TRIM2: variants seen among roughly 807,000 people sequenced by gnomAD.
The protein encoded by TRIM2 is tripartite motif-containing protein 2.
A neutral mutation model predicts 75.2 loss-of-function variants in TRIM2; 20 were observed. The ratio of observed to expected loss-of-function variants is 0.27; its 90% CI spans 0.19 to 0.39. The LOEUF (loss-of-function observed/expected upper bound fraction) is 0.39. Ranked by LOEUF, TRIM2 falls within the 10% of genes least tolerant of loss-of-function variation. The pLI is 1.00. For synonymous variants in TRIM2, 373 were observed against 388.3 expected, an observed-to-expected ratio of 0.96 and a Z score of 0.46; for missense variants, 660 against 990.8, an observed-to-expected ratio of 0.67 and a Z score of 4.48.
intron 1 of TRIM2, among the ~76,000 whole-genome samples, chr4:153,155,000 C>T (rs1314046152): frequency 1.3e-5 from 2 of 152,090 alleles, no homozygotes; most frequent in African/African-American, 4.8e-5. Flanking sequence ...AATAGCCAGG[C>T]GTAATGGTGG....
At chr4:153,170,737 C>T (rs777533094) in intron 1 of TRIM2, among the ~76,000 whole-genome samples, 3 of 152,148 alleles carry the variant, frequency 2.0e-5, no homozygotes, top group Non-Finnish European at 4.4e-5. Flanking sequence ...TGCCAGGGAG[C>T]TCAGCCAGGG....
chr4:153,316,651 A>G (rs1052706802), intron 8 of TRIM2, among the ~76,000 whole-genome samples: 3 of 152,154 alleles, frequency 2.0e-5, no homozygotes, highest in Non-Finnish European at 2.9e-5. Flanking sequence ...ATTGTTTGAT[A>G]TATTTGCTAT....
intron 2 of TRIM2, among the ~76,000 whole-genome samples, chr4:153,271,560 GGTT>G (rs1189423800): frequency 1.3e-5 from 2 of 151,976 alleles, no homozygotes; most frequent in African/African-American, 4.8e-5. Flanking sequence ...GTTTGTTTTG[GGTT>G]GTTGTGGGGT....
intron 6 of TRIM2, among the ~76,000 whole-genome samples, chr4:153,305,997 T>C (rs1320367525): frequency 6.6e-6 from 1 of 152,098 alleles, no homozygotes; most frequent in East Asian, 1.9e-4. Context: ...TAGCTGGGCA[T>C]GGTGACGGGT....
At chr4:153,238,613 G>C (rs914016437) in intron 1 of TRIM2, among the ~76,000 whole-genome samples, 15 of 152,180 alleles carry the variant, frequency 9.9e-5, no homozygotes, top group Non-Finnish European at 2.1e-4. Context: ...AATAACCCAG[G>C]ATTCTCTGGA....
chr4:153,175,072 C>A (rs1302172144), intron 1 of TRIM2, among the ~76,000 whole-genome samples: 1 of 151,978 alleles, frequency 6.6e-6, no homozygotes. Context: ...TGCAGTGGTG[C>A]AATCTCGGCT....
At chr4:153,244,203 TTTC>T (rs1182196281) in intron 1 of TRIM2, among the ~76,000 whole-genome samples, 14 of 131,806 alleles carry the variant, frequency 1.1e-4, no homozygotes, top group African/African-American at 1.4e-4. Context: ...TTCTCCTCCT[TTTC>T]CTTCTCCTTC....
intron 6 of TRIM2, 95 bp downstream of exon 6, chr4:153,296,131 A>G (rs1339627208): frequency 7.0e-7 from 1 of 1,428,844 alleles, no homozygotes; most frequent in Non-Finnish European, 9.2e-7. Context: ...TGCAGCCCAG[A>G]ACTCTACCTG....
intron 11 of TRIM2, 111 bp from the exon 12 acceptor site, chr4:153,334,703 C>A: frequency 9.1e-7 from 1 of 1,097,530 alleles, no homozygotes; most frequent in Non-Finnish European, 1.3e-6. Flanking sequence ...GAGACCCTGT[C>A]AAAAAGAAAG....
chr4:153,325,105 A>T (rs1480418400), intron 10 of TRIM2, among the ~76,000 whole-genome samples: 1 of 152,188 alleles, frequency 6.6e-6, no homozygotes, highest in Non-Finnish European at 1.5e-5. Context: ...ATCAGTGCTA[A>T]TGACTGCGAT....
chr4:153,173,385 C>G (rs1235793767), intron 1 of TRIM2, among the ~76,000 whole-genome samples: 3 of 151,758 alleles, frequency 2.0e-5, no homozygotes, highest in Non-Finnish European at 4.4e-5. Context: ...AAAAATAGAC[C>G]AGACACAGTG....
chr4:153,247,677 CAAAAAAAAA>C (rs1183914263), intron 1 of TRIM2, among the ~76,000 whole-genome samples: 1 of 79,538 alleles, frequency 1.3e-5, no homozygotes, highest in African/African-American at 4.6e-5. Context: ...GACTCTGTCT[CAAAAAAAAA>C]AAAAAAAAAA....
At chr4:153,221,848 G>GA (rs1560834800) in intron 1 of TRIM2, among the ~76,000 whole-genome samples, 1 of 100,004 alleles carries the variant, frequency 1.0e-5, no homozygotes, top group Non-Finnish European at 2.0e-5. Context: ...AGGAAAGCGC[G>GA]AGGAAAGAAG....
chr4:153,268,653 C>T (rs1452062743), intron 1 of TRIM2, among the ~76,000 whole-genome samples: 1 of 152,182 alleles, frequency 6.6e-6, no homozygotes, highest in Admixed American at 6.5e-5. Flanking sequence ...TTAGCTCAGC[C>T]TTGGTTTATG....
In TRIM2 at chr4:153,337,719, CT is replaced by C. The variant is rs1266548453; in HGVS notation, c.*2759del. ...CTGAGAAGGATATTAAAATAAGTGGCTTTTTTCTGGGCTACCATTATTGTTT... is the reference window on the plus strand; with the variant it reads ...CTGAGAAGGATATTAAAATAAGTGGCTTTTTCTGGGCTACCATTATTGTTT... On this transcript the variant is annotated 3_prime_UTR_variant, in exon 12 of 12. Coordinates refer to ENST00000338700, the MANE Select transcript of TRIM2 (RefSeq NM_015271.5). 1 of 985,690 alleles carries C rather than the reference CT, an allele frequency of 1.0e-6. No individual in the cohort carries two copies. Among genetic ancestry groups the C allele is most frequent in the African/African-American group, 1.7e-5 (1 of 57,212 alleles). The allele number at this position is 985,690 out of a possible 1,614,324, so 61.1% of individuals were successfully genotyped here. A position where few individuals can be genotyped will look rare whatever the true frequency, so the allele number is the denominator to read the frequency against.
chr4:153,184,595 C>T (rs542548484), intron 1 of TRIM2, among the ~76,000 whole-genome samples: 32 of 152,256 alleles, frequency 2.1e-4, no homozygotes, highest in African/African-American at 6.7e-4. Context: ...CTGAACAGAG[C>T]CCCAGTCCAG....
intron 6 of TRIM2, among the ~76,000 whole-genome samples, chr4:153,304,198 C>T (rs562621072): frequency 1.3e-5 from 2 of 152,222 alleles, no homozygotes; most frequent in South Asian, 4.1e-4. Flanking sequence ...ACTTTAATCT[C>T]CACCTCCTGG....
At chr4:153,254,271 T>G (rs1751532304) in intron 1 of TRIM2, among the ~76,000 whole-genome samples, 1 of 152,204 alleles carries the variant, frequency 6.6e-6, no homozygotes, top group South Asian at 2.1e-4. Context: ...GATCGCTATC[T>G]CTCATGCTCC....
intron 8 of TRIM2, among the ~76,000 whole-genome samples, chr4:153,316,989 T>G (rs1332547074): frequency 7.0e-6 from 1 of 143,022 alleles, no homozygotes; most frequent in Non-Finnish European, 1.5e-5. Flanking sequence ...CACGCCATTC[T>G]CCTGCCTCAG....
Sources: gnomAD v4.1 joint callset for allele counts (sites outside exome capture counted in the v4.1 genomes callset) on GRCh38, gnomAD v4.1.1 for gene constraint, MANE v1.5 for transcripts, NCBI Gene and HGNC (gene_info 2026-07-23, HGNC 2026-07-21) for gene names.